The following SP100 variants were observed in gnomAD, a reference collection of about 807,000 sequenced individuals.
SP100 encodes the protein nuclear autoantigen Sp-100.
Under a neutral mutation model 130.0 loss-of-function variants are expected in SP100, and 84 were observed. The ratio of observed to expected loss-of-function variants is 0.65; its 90% CI spans 0.54 to 0.77. The LOEUF (loss-of-function observed/expected upper bound fraction) is 0.77, where lower values mean the gene tolerates loss of function less well. SP100 is among the 30% of genes least tolerant of loss of function. The pLI, the probability that SP100 is intolerant of heterozygous loss-of-function variation, is 0.00. For missense variants in SP100, 978 were observed against 1,052.2 expected (o/e 0.93, Z 0.97); for synonymous variants, 331 against 351.7 (o/e 0.94, Z 0.66).
chr2:230,442,608 A>T (rs1418994033), intron 2 of SP100, among the ~76,000 whole-genome samples: 1 of 152,074 alleles, frequency 6.6e-6, no homozygotes, highest in Admixed American at 6.5e-5. Context: ...TCTGTGGATG[A>T]CCTGTTTATT....
chr2:230,440,659 A>C, intron 2 of SP100: 1 of 1,130,958 alleles, frequency 8.8e-7, no homozygotes, highest in Non-Finnish European at 1.2e-6. Flanking sequence ...TCCAAAAAAA[A>C]GTCCTAAAGT....
intron 15 of SP100, among the ~76,000 whole-genome samples, chr2:230,472,287 G>A (rs1388131978): frequency 2.6e-5 from 4 of 151,900 alleles, no homozygotes; most frequent in African/African-American, 9.7e-5. Flanking sequence ...AATTAGCCAG[G>A]CATGGTGGCA....
At chr2:230,539,039 C>T (rs886167071) in intron 24 of SP100, 7 of 368,522 alleles carry the variant, frequency 1.9e-5, no homozygotes, top group African/African-American at 1.2e-4. Context: ...CACTAGTCAT[C>T]ATGTCAGAAT....
chr2:230,528,569 A>T (rs1272207326), intron 24 of SP100, among the ~76,000 whole-genome samples: 1 of 152,228 alleles, frequency 6.6e-6, no homozygotes, highest in African/African-American at 2.4e-5. Context: ...GCAAGAAACA[A>T]CTAAGATCAG....
intron 24 of SP100, among the ~76,000 whole-genome samples, chr2:230,525,417 A>G (rs76866282): frequency 0.034 from 5,147 of 152,266 alleles, 131 homozygotes; most frequent in Non-Finnish European, 0.05. Flanking sequence ...GTAAACTAAG[A>G]AAGTTTGTGA....
chr2:230,544,365 G>A lies in SP100; in HGVS notation c.*1419G>A, dbSNP rs1175440680. Among the ~76,000 whole-genome samples, 1 of 152,094 alleles carries A rather than the reference G, an allele frequency of 6.6e-6. No individual in the cohort carries two copies. The highest frequency in any genetic ancestry group is 1.5e-5 in the Non-Finnish European group (1 of 68,028). On this transcript the variant is annotated 3_prime_UTR_variant, in exon 29 of 29. Coordinates refer to ENST00000340126, the MANE Select transcript of SP100 (RefSeq NM_001080391.2). ...GAGTAAACAGACAACCTACAAAATG[G>A]GAGAAAATATTTGCACACTATGCAT...
chr2:230,484,120 T>C (rs996349710), intron 17 of SP100, among the ~76,000 whole-genome samples: 6 of 152,140 alleles, frequency 3.9e-5, no homozygotes, highest in Non-Finnish European at 7.3e-5. Flanking sequence ...ATAGTGAAAT[T>C]ACCAACAAAA....
chr2:230,506,383 G>A lies in SP100; in HGVS notation c.1951G>A (p.Ala651Thr). ...REFEIEGDRG[A>T]SKNWKLSIRC... ...ATTTGAAATTGAAGGAGACCGCGGA[G>A]CATCCAAGAACTGGAAGCTAAGTAT... The change falls in exon 22 of 29, where the codon GCA becomes ACA. Residue 651 changes from alanine (A) to threonine (T), a missense_variant. Coordinates refer to ENST00000340126, the MANE Select transcript of SP100 (RefSeq NM_001080391.2). 6.2e-7 allele frequency: 1 copy of A among 1,613,928 alleles called. No homozygotes were observed.
At chr2:230,538,413 A>G (rs1277233888) in intron 24 of SP100, 1 of 152,178 alleles carries the variant, frequency 6.6e-6, no homozygotes, top group Non-Finnish European at 1.5e-5. Context: ...ATCTGTTACA[A>G]CAAAAAGGAA....
At chr2:230,479,688 C>T (rs1182675889) in intron 17 of SP100, among the ~76,000 whole-genome samples, 1 of 152,208 alleles carries the variant, frequency 6.6e-6, no homozygotes, top group Admixed American at 6.5e-5. Context: ...TTAAAGCGAT[C>T]CCCCAACCAA....
chr2:230,442,164 T>C (rs2063496609), intron 2 of SP100, among the ~76,000 whole-genome samples: 1 of 152,144 alleles, frequency 6.6e-6, no homozygotes, highest in African/African-American at 2.4e-5. Context: ...TTTCATAATA[T>C]TAAGAAATAC....
chr2:230,539,079 C>A, intron 24 of SP100, 188 bp from the exon 25 acceptor site: 1 of 417,486 alleles, frequency 2.4e-6, no homozygotes, highest in Non-Finnish European at 4.4e-6. Context: ...ACTTTTCTGG[C>A]CTGACACACA....
At chr2:230,446,440 C>T (rs2063714419) in intron 4 of SP100, among the ~76,000 whole-genome samples, 1 of 152,202 alleles carries the variant, frequency 6.6e-6, no homozygotes. Flanking sequence ...TGAGCCACTG[C>T]ACCTGGCTGA....
rs755227819 is a variant in SP100 at position 230,462,484 on chromosome 2, A to G, written c.1023A>G (p.Leu341=). 6.2e-7 allele frequency: 1 copy of G among 1,613,948 alleles called. No homozygotes were observed. Among genetic ancestry groups the G allele is most frequent in the East Asian group, 2.2e-5 (1 of 44,866 alleles). ...GATCCACTGACGTTGATGAGCCCTT[A>G]GAAGTCTTCATCTCAGCACCGAGAA... The part of the protein sequence containing the change: ...SEGSTDVDEP[L]EVFISAPRSE... Residue 341 remains leucine (L), a synonymous_variant, in exon 10 of 29, where the codon TTA becomes TTG. Coordinates refer to ENST00000340126, the MANE Select transcript of SP100 (RefSeq NM_001080391.2).
intron 1 of SP100, chr2:230,416,931 G>A (rs2062615225): frequency 1.1e-5 from 11 of 977,594 alleles, no homozygotes; most frequent in Non-Finnish European, 1.3e-5. Context: ...CCTGTCCCAA[G>A]ATGGGGGATA....
rs1469092276 is a variant in SP100, at chr2:230,544,725, C to T, written c.*1779C>T. Among the ~76,000 whole-genome samples, 1 of 152,188 alleles carries T rather than the reference C, an allele frequency of 6.6e-6. No homozygotes were observed. On this transcript the variant is annotated 3_prime_UTR_variant, in exon 29 of 29. Coordinates refer to ENST00000340126, the MANE Select transcript of SP100 (RefSeq NM_001080391.2). ...TGAACTCCCGACCTCAGGTGATCCA[C>T]CCACCTCGGCCTCCCAAAGTGCTGG...
At chr2:230,454,493 T>G (rs1398336370) in intron 8 of SP100, among the ~76,000 whole-genome samples, 1 of 152,132 alleles carries the variant, frequency 6.6e-6, no homozygotes, top group African/African-American at 2.4e-5. Context: ...CATTTCTATC[T>G]TCATTTGTCT....
At chr2:230,488,270 C>T (rs2066213861) in intron 17 of SP100, among the ~76,000 whole-genome samples, 1 of 152,166 alleles carries the variant, frequency 6.6e-6, no homozygotes, top group African/African-American at 2.4e-5. Context: ...GGCCAGTTTT[C>T]AAAGGGAATG....
At chr2:230,417,463 T>C in intron 1 of SP100, 128 bp from the exon 2 acceptor site, 1 of 1,190,510 alleles carries the variant, frequency 8.4e-7, no homozygotes, top group Non-Finnish European at 1.1e-6. Context: ...ATCATAACAA[T>C]GATTATATAT....
Sources: gnomAD v4.1 joint callset for allele counts (sites outside exome capture counted in the v4.1 genomes callset) on GRCh38, gnomAD v4.1.1 for gene constraint, MANE v1.5 for transcripts, NCBI Gene and HGNC (gene_info 2026-07-23, HGNC 2026-07-21) for gene names.